Variants in DNAH12 observed in about 807,000 individuals in gnomAD.
The protein encoded by DNAH12 is dynein axonemal heavy chain 12.
DNAH12 carries 285 observed loss-of-function variants against 371.5 expected under a neutral mutation model. That is an observed-to-expected ratio of 0.77 (90% CI 0.70 to 0.85). The LOEUF is 0.85. Ranked by LOEUF, DNAH12 falls within the 40% of genes least tolerant of loss-of-function variation. The probability of loss-of-function intolerance (pLI) is 0.00; values close to 1 mark genes in which losing one functional copy is unlikely to be tolerated. For missense variants in DNAH12, 3,611 were observed against 3,689.4 expected, an observed-to-expected ratio of 0.98 and a Z score of 0.55; for synonymous variants, 1,200 against 1,213.0, an observed-to-expected ratio of 0.99 and a Z score of 0.22.
intron 34 of DNAH12, among the ~76,000 whole-genome samples, chr3:57,427,851 CA>C (rs1026328191): frequency 9.9e-5 from 15 of 152,098 alleles, no homozygotes; most frequent in African/African-American, 3.6e-4. Context: ...TAGCCCTCTA[CA>C]AACATCCTGA....
intron 60 of DNAH12, among the ~76,000 whole-genome samples, chr3:57,346,718 TTTAAACA>T (rs2062551330): frequency 6.6e-6 from 1 of 152,038 alleles, no homozygotes; most frequent in Non-Finnish European, 1.5e-5. Context: ...GGAAACCCAC[TTTAAACA>T]TAGAAAGACA....
Position 57,504,098 on chromosome 3 carries a change from T to A in DNAH12, c.1004A>T (p.Asp335Val). The change falls in exon 9 of 74, where the codon GAC (aspartate) becomes GTC (valine). Residue 335 changes from aspartate (D) to valine (V), a missense_variant. Physicochemically the swap from Asp to Val is radical, Grantham distance 152. Around this residue, in one of 3 missense-constraint regions of DNAH12, gnomAD observed 1,314 missense variants for 1,398.7 expected, o/e 0.94. Coordinates refer to ENST00000495027, the MANE Select transcript of DNAH12 (RefSeq NM_001366028.2). ...AAAGGTAGGATAAAATTCCATTTTG[T>A]CGTCATCAAATGTCAATTCTATCTT... ...IFKIELTFDD[D>V]KMEFYPTFQD... The A allele has an allele frequency of 6.2e-7, 1 of 1,614,066 alleles. No homozygotes were observed. The highest frequency in any genetic ancestry group is 1.7e-5 in the Admixed American group (1 of 60,022).
chr3:57,328,124 C>A (rs1321384304), intron 62 of DNAH12, among the ~76,000 whole-genome samples: 1 of 147,728 alleles, frequency 6.8e-6, no homozygotes, highest in Non-Finnish European at 1.5e-5. Flanking sequence ...CCGAATTCTA[C>A]CAGAGGTACA....
intron 55 of DNAH12, among the ~76,000 whole-genome samples, chr3:57,373,254 G>T (rs2063212905): frequency 6.6e-6 from 1 of 151,848 alleles, no homozygotes; most frequent in Non-Finnish European, 1.5e-5. Flanking sequence ...AGACCAATCA[G>T]ATGTTTTTCA....
intron 25 of DNAH12, among the ~76,000 whole-genome samples, chr3:57,450,027 C>T (rs2065704211): frequency 6.6e-6 from 1 of 152,224 alleles, no homozygotes; most frequent in Non-Finnish European, 1.5e-5. Context: ...GCAGGTGGAT[C>T]ACTTGAGGTC....
At chr3:57,455,358 G>A (rs935344235) in intron 22 of DNAH12, among the ~76,000 whole-genome samples, 22 of 151,936 alleles carry the variant, frequency 1.4e-4, no homozygotes, top group African/African-American at 5.3e-4. Flanking sequence ...GAGGTCAGGA[G>A]TTCGAGACCA....
At chr3:57,355,638 C>T (rs1055000896) in intron 59 of DNAH12, among the ~76,000 whole-genome samples, 1,797 of 152,246 alleles carry the variant, frequency 0.012, 24 homozygotes, top group African/African-American at 0.041. Flanking sequence ...TAAAATCCAA[C>T]CAGCAGTGTA....
At position 57,369,219 on chromosome 3, in the gene DNAH12, T is replaced by TAA. The variant is rs1169309910; in HGVS notation, c.8760-961_8760-960dup. Among the ~76,000 whole-genome samples the TAA allele has an allele frequency of 4.9e-3, 612 of 125,982 alleles. 5 individuals carry two copies. The highest frequency in any genetic ancestry group is 0.015 in the African/African-American group (485 of 32,684). 82.6% of individuals were successfully genotyped at this position (125,982 alleles called of 152,430 possible). A position where few individuals can be genotyped will look rare whatever the true frequency, so the allele number is the denominator to read the frequency against. On this transcript the variant is annotated intron_variant, in intron 55 of 73. Coordinates refer to ENST00000495027, the MANE Select transcript of DNAH12 (RefSeq NM_001366028.2). The stretch of plus-strand genomic sequence containing the variant: ...TGGGCAACAAAGATTGAAACTCCAT[T>TAA]AAAAAAAAAATATATATATATATAT...
chr3:57,405,533 T>G, intron 41 of DNAH12, 120 bp downstream of exon 41: 1 of 1,181,452 alleles, frequency 8.5e-7, no homozygotes, highest in South Asian at 1.7e-5. Flanking sequence ...AAACACCTAT[T>G]TACAAGGAAT....
chr3:57,519,801 T>C, intron 4 of DNAH12: 1 of 1,474,086 alleles, frequency 6.8e-7, no homozygotes, highest in Non-Finnish European at 9.5e-7. Flanking sequence ...CACAGTCCTC[T>C]TGTTTGTTTT....
chr3:57,359,149 G>A (rs909515179), intron 58 of DNAH12, among the ~76,000 whole-genome samples: 1 of 152,190 alleles, frequency 6.6e-6, no homozygotes, highest in Admixed American at 6.5e-5. Context: ...CATACTTACA[G>A]TGTTTGCTAA....
At chr3:57,383,482 T>C (rs1360669421) in intron 49 of DNAH12, among the ~76,000 whole-genome samples, 2 of 104,174 alleles carry the variant, frequency 1.9e-5, no homozygotes, top group African/African-American at 8.6e-5. Flanking sequence ...CATGGTCACC[T>C]AGAATGGAGT....
At chr3:57,307,487 G>A (rs1404464563) in intron 69 of DNAH12, among the ~76,000 whole-genome samples, 1 of 152,130 alleles carries the variant, frequency 6.6e-6, no homozygotes, top group Non-Finnish European at 1.5e-5. Context: ...CAAACAACTT[G>A]ACCTTACTGT....
chr3:57,476,243 T>C (rs991453138), intron 13 of DNAH12, among the ~76,000 whole-genome samples: 3 of 151,062 alleles, frequency 2.0e-5, no homozygotes, highest in Non-Finnish European at 4.4e-5. Flanking sequence ...TGTATAACTA[T>C]AAAAAAAAAC....
chr3:57,403,292 C>A lies in DNAH12; in HGVS notation c.6948+17G>T. 6.5e-7 allele frequency: 1 copy of A among 1,530,014 alleles called. No homozygotes were observed. Among genetic ancestry groups the A allele is most frequent in the Non-Finnish European group, 8.8e-7 (1 of 1,138,598 alleles). The allele number at this position is 1,530,014 out of a possible 1,614,324, so 94.8% of individuals were successfully genotyped here. A position where few individuals can be genotyped will look rare whatever the true frequency, so the allele number is the denominator to read the frequency against. On this transcript the variant is annotated intron_variant, in intron 43 of 73. Transcript: ENST00000495027. ...TACTGTTTTCATTTTAGATACTAGG[C>A]TTCTTCATAATTTTACCTTCATATC...
chr3:57,476,907 A>C (rs751775998), intron 13 of DNAH12, among the ~76,000 whole-genome samples: 1 of 152,216 alleles, frequency 6.6e-6, no homozygotes, highest in Non-Finnish European at 1.5e-5. Flanking sequence ...GACATACACA[A>C]AATTAGTGAA....
chr3:57,357,648 T>A (rs967862247), intron 58 of DNAH12, among the ~76,000 whole-genome samples: 1 of 152,146 alleles, frequency 6.6e-6, no homozygotes, highest in Non-Finnish European at 1.5e-5. Context: ...CTACCAACCA[T>A]CTCTTTCTTG....
intron 13 of DNAH12, among the ~76,000 whole-genome samples, chr3:57,477,116 C>T (rs945914012): frequency 3.3e-5 from 5 of 152,146 alleles, no homozygotes; most frequent in Non-Finnish European, 7.4e-5. Context: ...TGAGCCAAAG[C>T]AGGGTGAGGC....
In DNAH12 at chr3:57,301,923, GTATAGT is replaced by G. The variant is rs2107654763; in HGVS notation, c.11200_11205del (p.Thr3734_Ile3735del). 4 of 1,551,408 alleles carry G rather than the reference GTATAGT, an allele frequency of 2.6e-6. No homozygotes were observed. Among genetic ancestry groups the G allele is most frequent in the Middle Eastern group, 1.7e-4 (1 of 5,992 alleles). On this transcript the variant is annotated inframe_deletion, in exon 70 of 74. Coordinates refer to ENST00000495027, the MANE Select transcript of DNAH12 (RefSeq NM_001366028.2). Reference sequence around the variant, plus strand: ...TTTTCAAGGTCCCGTAGAGTGTTACGTATAGTTATAATTAAACTGCAATGAAAGAAA... The same window carrying G: ...TTTTCAAGGTCCCGTAGAGTGTTACGTATAATTAAACTGCAATGAAAGAAA...
Sources: allele counts gnomAD v4.1 joint callset (sites outside exome capture counted in the v4.1 genomes callset), GRCh38; gene constraint gnomAD v4.1.1; regional missense constraint gnomAD v4.1.1; transcripts MANE v1.5; gene names NCBI Gene and HGNC (gene_info 2026-07-23, HGNC 2026-07-21).